MSRA: variants seen among roughly 807,000 people sequenced by gnomAD.
The protein encoded by MSRA is methionine sulfoxide reductase A.
A neutral mutation model predicts 31.3 loss-of-function variants in MSRA; 54 were observed. The observed-to-expected ratio is 1.73, with a 90% CI of 1.39 to 2.17. The LOEUF is 2.17. Among genes scored for constraint, MSRA ranks in the 30% most tolerant of loss-of-function variants. The probability of loss-of-function intolerance (pLI) is 0.00; values close to 1 mark genes in which losing one functional copy is unlikely to be tolerated. For synonymous variants in MSRA, 169 were observed against 116.5 expected, an observed-to-expected ratio of 1.45 and a Z score of -2.90; for missense variants, 507 against 300.9, an observed-to-expected ratio of 1.69 and a Z score of -5.07.
intron 4 of MSRA, among the ~76,000 whole-genome samples, chr8:10,310,806 C>G (rs1299781886): frequency 2.0e-5 from 3 of 152,184 alleles, no homozygotes; most frequent in African/African-American, 7.2e-5. Flanking sequence ...CAGTGCTACA[C>G]AATTCTATCA....
intron 1 of MSRA, among the ~76,000 whole-genome samples, chr8:10,078,502 G>A (rs1798111779): frequency 6.6e-6 from 1 of 152,218 alleles, no homozygotes; most frequent in Non-Finnish European, 1.5e-5. Flanking sequence ...AGTGACCCCT[G>A]GGGTGGGTCA....
chr8:10,079,351 C>G (rs770423280), intron 1 of MSRA, among the ~76,000 whole-genome samples: 1 of 152,054 alleles, frequency 6.6e-6, no homozygotes, highest in Non-Finnish European at 1.5e-5. Context: ...GACAGGGTTT[C>G]GCCATGTTGC....
chr8:10,316,915 C>T (rs973058661), intron 4 of MSRA, among the ~76,000 whole-genome samples: 2 of 152,100 alleles, frequency 1.3e-5, no homozygotes, highest in Non-Finnish European at 2.9e-5. Flanking sequence ...GAGGCCACCC[C>T]GAAGCAGCAC....
intron 5 of MSRA, among the ~76,000 whole-genome samples, chr8:10,398,624 C>T (rs1247125849): frequency 6.6e-6 from 1 of 152,214 alleles, no homozygotes; most frequent in Non-Finnish European, 1.5e-5. Flanking sequence ...GCAATTCTAG[C>T]ACCAGCTGCT....
chr8:10,381,659 T>G (rs1171719820), intron 5 of MSRA, among the ~76,000 whole-genome samples: 1 of 152,194 alleles, frequency 6.6e-6, no homozygotes, highest in Non-Finnish European at 1.5e-5. Flanking sequence ...CAGGAGTTGC[T>G]AGACTGACCC....
intron 3 of MSRA, among the ~76,000 whole-genome samples, chr8:10,296,505 A>T (rs1203100260): frequency 2.6e-5 from 4 of 152,242 alleles, no homozygotes; most frequent in Non-Finnish European, 5.9e-5. Flanking sequence ...TCAAAAAGGT[A>T]TTAAACTCTG....
At chr8:10,070,546 T>C (rs1012306032) in intron 1 of MSRA, among the ~76,000 whole-genome samples, 2 of 152,228 alleles carry the variant, frequency 1.3e-5, no homozygotes, top group Non-Finnish European at 2.9e-5. Flanking sequence ...TGCAAAACTA[T>C]AGTACGTCAT....
intron 5 of MSRA, among the ~76,000 whole-genome samples, chr8:10,338,544 G>T (rs1022832133): frequency 3.9e-5 from 6 of 152,132 alleles, no homozygotes; most frequent in African/African-American, 1.4e-4. Flanking sequence ...TTGCTAACTG[G>T]CTTCATTTGA....
chr8:10,292,217 G>A (rs1800273788), intron 3 of MSRA, among the ~76,000 whole-genome samples: 1 of 152,178 alleles, frequency 6.6e-6, no homozygotes, highest in African/African-American at 2.4e-5. Flanking sequence ...CTGGTCATTG[G>A]CAGGTGAATG....
chr8:10,242,270 CAA>C (rs11368200), intron 2 of MSRA, among the ~76,000 whole-genome samples: 292 of 138,750 alleles, frequency 2.1e-3, no homozygotes, highest in African/African-American at 4.1e-3. Flanking sequence ...GACTCCATCT[CAA>C]AAAAAAAAAA....
intron 1 of MSRA, among the ~76,000 whole-genome samples, chr8:10,100,212 G>A (rs1799440859): frequency 6.6e-6 from 1 of 152,166 alleles, no homozygotes; most frequent in Admixed American, 6.5e-5. Flanking sequence ...GGGTTGCTGA[G>A]GCCAGTTCAT....
intron 3 of MSRA, among the ~76,000 whole-genome samples, chr8:10,298,785 G>A (rs765741415): frequency 6.6e-6 from 1 of 152,070 alleles, no homozygotes; most frequent in African/African-American, 2.4e-5. Flanking sequence ...AGTATACCAC[G>A]TTTGTTTCCC....
intron 3 of MSRA, among the ~76,000 whole-genome samples, chr8:10,291,182 A>C (rs1384137622): frequency 6.6e-6 from 1 of 152,180 alleles, no homozygotes; most frequent in Non-Finnish European, 1.5e-5. Context: ...TTCTTGATCC[A>C]GTACTGAGCT....
intron 2 of MSRA, among the ~76,000 whole-genome samples, chr8:10,224,876 C>T (rs957528027): frequency 1.1e-4 from 16 of 152,130 alleles, no homozygotes; most frequent in Admixed American, 2.6e-4. Context: ...TAGGGCCGGG[C>T]GCAGTGGGCT....
intron 3 of MSRA, among the ~76,000 whole-genome samples, chr8:10,267,057 A>T (rs931450860): frequency 1.3e-5 from 2 of 152,232 alleles, no homozygotes; most frequent in Non-Finnish European, 2.9e-5. Context: ...TGGATGGAGC[A>T]AGAAGTATTC....
intron 2 of MSRA, among the ~76,000 whole-genome samples, chr8:10,215,800 A>C (rs766060394): frequency 1.3e-5 from 2 of 152,080 alleles, no homozygotes; most frequent in Non-Finnish European, 2.9e-5. Flanking sequence ...TAATTTTTTC[A>C]CTTTTTGCAG....
chr8:10,317,218 A>G (rs1801776499), intron 4 of MSRA, among the ~76,000 whole-genome samples: 1 of 152,182 alleles, frequency 6.6e-6, no homozygotes, highest in African/African-American at 2.4e-5. Flanking sequence ...GTCAGCCGGT[A>G]ACTCCTGGGA....
At chr8:10,274,636 A>T (rs1799222944) in intron 3 of MSRA, among the ~76,000 whole-genome samples, 1 of 152,112 alleles carries the variant, frequency 6.6e-6, no homozygotes, top group Non-Finnish European at 1.5e-5. Flanking sequence ...TTATTTATGT[A>T]TCCATGTGTT....
intron 4 of MSRA, among the ~76,000 whole-genome samples, chr8:10,306,163 C>A (rs1801129728): frequency 2.0e-5 from 3 of 152,062 alleles, no homozygotes; most frequent in Admixed American, 1.3e-4. Flanking sequence ...GAGTTCTGGT[C>A]CCTGGTTGGC....
Sources: allele counts gnomAD v4.1 joint callset (sites outside exome capture counted in the v4.1 genomes callset), GRCh38; gene constraint gnomAD v4.1.1; transcripts MANE v1.5; gene names NCBI Gene and HGNC (gene_info 2026-07-23, HGNC 2026-07-21).